The following PCNA variants were observed in gnomAD, a reference collection of about 807,000 sequenced individuals.
PCNA encodes the protein proliferating cell nuclear antigen.
A neutral mutation model predicts 27.8 loss-of-function variants in PCNA; 4 were observed. The observed-to-expected ratio is 0.14, with a 90% CI of 0.07 to 0.33. PCNA has a LOEUF of 0.33. Ranked by LOEUF, PCNA falls within the 10% of genes least tolerant of loss-of-function variation. The pLI is 1.00. For missense variants in PCNA, 165 were observed against 327.4 expected (o/e 0.50, Z 3.83); for synonymous variants, 121 against 119.4 (o/e 1.01, Z -0.09).
At chr20:5,117,423 T>G in intron 4 of PCNA, 47 bp downstream of exon 4, 1 of 1,333,926 alleles carries the variant, frequency 7.5e-7, no homozygotes, top group Non-Finnish European at 1.1e-6. Context: ...ATAAGCAGTA[T>G]TATAATTCTC....
At chr20:5,123,434 C>T (rs548459198), upstream of PCNA, among the ~76,000 whole-genome samples, 26 of 152,106 alleles carry the variant, frequency 1.7e-4, no homozygotes, top group Non-Finnish European at 3.1e-4. Context: ...GTGGCTCATG[C>T]CTGTAATCCC....
chr20:5,118,777 T>C lies in PCNA; in HGVS notation c.311A>G (p.Glu104Gly), dbSNP rs781573975. 3 of 1,612,964 alleles carry C rather than the reference T, an allele frequency of 1.9e-6. No homozygotes were observed. Among genetic ancestry groups the C allele is most frequent in the Non-Finnish European group, 1.7e-6 (2 of 1,178,862 alleles). ...DNADTLALVF[E>G]APNQEKVSDY... The stretch of plus-strand genomic sequence containing the variant: ...AAAAAGGTACGACTTACTTGGTGCT[T>C]CAAATACTAGCGCCAAGGTATCCGC... The change falls in exon 2 of 6, where the codon GAA becomes GGA. Residue 104 changes from glutamate to glycine, a missense_variant. Transcript: ENST00000379143.
chr20:5,126,380 G>A (rs1248173727), intron 1 of PCNA: 1 of 152,408 alleles, frequency 6.6e-6, no homozygotes, highest in East Asian at 1.9e-4. Flanking sequence ...GCGACCGCTT[G>A]GCAAAGCAAA....
rs887161589 is a variant in PCNA, at chr20:5,119,870, G to A, written c.-72C>T. 6 of 1,228,880 alleles carry A rather than the reference G, an allele frequency of 4.9e-6. No homozygotes were observed. In the East Asian group the frequency reaches 7.6e-5, roughly 16 times the overall value. The allele number at this position is 1,228,880 out of a possible 1,614,324, so 76.1% of individuals were successfully genotyped here. A position where few individuals can be genotyped will look rare whatever the true frequency, so the allele number is the denominator to read the frequency against. The stretch of plus-strand genomic sequence containing the variant: ...AAAGTCTAGCTGGTTTCGGCTTCAG[G>A]AGCCTCAGAGCGAGCGGGCGAACGT... On this transcript the variant is annotated 5_prime_UTR_variant, in exon 1 of 6. Coordinates refer to ENST00000379143, the MANE Select transcript of PCNA (RefSeq NM_182649.2).
upstream of PCNA, among the ~76,000 whole-genome samples, chr20:5,122,386 A>T (rs1054934951): frequency 1.3e-5 from 2 of 152,336 alleles, no homozygotes; most frequent in East Asian, 3.9e-4. Context: ...AGGCATTCCT[A>T]CTGTTTCTCC....
At chr20:5,120,208 C>T (rs771591355), upstream of PCNA, among the ~76,000 whole-genome samples, 6 of 152,238 alleles carry the variant, frequency 3.9e-5, no homozygotes, top group African/African-American at 1.2e-4. Flanking sequence ...GATCGGGTCC[C>T]GGTCCCGGCT....
At chr20:5,116,537 G>A (rs552453478) in intron 4 of PCNA, among the ~76,000 whole-genome samples, 235 of 152,292 alleles carry the variant, frequency 1.5e-3, no homozygotes, top group Non-Finnish European at 3.0e-3. Flanking sequence ...CTTATAATAT[G>A]CCACACACAG....
rs143328807 is a variant in PCNA at position 5,125,681 on chromosome 20, A to G, written c.-117+819T>C. Reference sequence around the variant, plus strand: ...ACACCAAAGGCAATGCTGGAGCAACACAAGTATTAATAAATGCAGGCAGGC... The same window carrying G: ...ACACCAAAGGCAATGCTGGAGCAACGCAAGTATTAATAAATGCAGGCAGGC... On this transcript the variant is annotated intron_variant, in intron 1 of 6. Coordinates refer to the PCNA transcript ENST00000379160. 3.2e-3 allele frequency among the ~76,000 whole-genome samples: 488 copies of G among 152,352 alleles called. 4 individuals carry two copies. The highest frequency in any genetic ancestry group is 0.011 in the African/African-American group (465 of 41,592).
intron 3 of PCNA, 28 bp from the exon 4 acceptor site, chr20:5,117,692 T>G: frequency 6.9e-7 from 1 of 1,443,352 alleles, no homozygotes; most frequent in Non-Finnish European, 9.4e-7. Context: ...TTTCCAAAAG[T>G]TAATTGTTAG....
intron 4 of PCNA, 136 bp from the exon 5 acceptor site, chr20:5,115,708 C>T (rs748569007): frequency 8.0e-6 from 5 of 628,612 alleles, no homozygotes; most frequent in East Asian, 2.9e-5. Context: ...AAGACTGATA[C>T]ATAAAGCAAA....
intron 4 of PCNA, among the ~76,000 whole-genome samples, chr20:5,116,607 C>A (rs752083554): frequency 5.7e-4 from 87 of 152,126 alleles, no homozygotes; most frequent in Non-Finnish European, 9.4e-4. Context: ...GAGGTTAGGA[C>A]CTTTGTCCTT....
chr20:5,119,824 T>A lies in PCNA; in HGVS notation c.-26A>T. 1 of 1,525,028 alleles carries A rather than the reference T, an allele frequency of 6.6e-7. No homozygotes were observed. The highest frequency in any genetic ancestry group is 8.9e-7 in the Non-Finnish European group (1 of 1,123,662). 94.5% of individuals were successfully genotyped at this position (1,525,028 alleles called of 1,614,324 possible). On this transcript the variant is annotated 5_prime_UTR_variant, in exon 1 of 6. Coordinates refer to ENST00000379143, the MANE Select transcript of PCNA (RefSeq NM_182649.2). The stretch of plus-strand genomic sequence containing the variant: ...GGTGGCGGAGTGGCAACAACGCCGC[T>A]ACAGGCAGGCGGGAAGGAGGAAAGT...
Position 5,119,957 on chromosome 20 carries a change from A to C in PCNA, c.-159T>G, listed in dbSNP as rs377182993. ...ACTCTGCTACGCCTGCAACCGTTTA[A>C]TGCCGCCGCGTCCGCAAGCGCGCGC... On this transcript the variant is annotated 5_prime_UTR_variant, in exon 1 of 6. Transcript: ENST00000379143. The C allele has an allele frequency of 1.6e-5, 10 of 625,766 alleles. No individual in the cohort carries two copies. The highest frequency in any genetic ancestry group is 1.3e-4 in the African/African-American group (7 of 54,420). The allele number at this position is 625,766 out of a possible 1,614,324, so 38.8% of individuals were successfully genotyped here.
chr20:5,122,774 A>C (rs1398057696), upstream of PCNA, among the ~76,000 whole-genome samples: 1 of 152,264 alleles, frequency 6.6e-6, no homozygotes, highest in African/African-American at 2.4e-5. Flanking sequence ...CTGTCTGCTT[A>C]CATAATAACA....
chr20:5,122,351 GA>G (rs2090523741), upstream of PCNA, among the ~76,000 whole-genome samples: 1 of 152,186 alleles, frequency 6.6e-6, no homozygotes, highest in Non-Finnish European at 1.5e-5. Flanking sequence ...GTGCAAACAT[GA>G]AAAAATTTAA....
At chr20:5,119,995 CCGCGTTGCGA>C, upstream of PCNA, 7 of 590,756 alleles carry the variant, frequency 1.2e-5, no homozygotes, top group South Asian at 3.9e-5. Flanking sequence ...TCACCCTGCG[CCGCGTTGCGA>C]CGTCACCACG....
Position 5,119,854 on chromosome 20 carries a change from C to T in PCNA, c.-56G>A. ...GCAGGCGGGAAGGAGGAAAGTCTAG[C>T]TGGTTTCGGCTTCAGGAGCCTCAGA... On this transcript the variant is annotated 5_prime_UTR_variant, in exon 1 of 6. Transcript: ENST00000379143. The T allele has an allele frequency of 2.1e-6, 3 of 1,409,326 alleles. No individual in the cohort carries two copies. The highest frequency in any genetic ancestry group is 2.9e-6 in the Non-Finnish European group (3 of 1,022,740). 87.3% of individuals were successfully genotyped at this position (1,409,326 alleles called of 1,614,324 possible). A position where few individuals can be genotyped will look rare whatever the true frequency, so the allele number is the denominator to read the frequency against.
chr20:5,118,662 G>C lies in PCNA; in HGVS notation c.335C>G (p.Ser112Ter). 6.2e-7 allele frequency: 1 copy of C among 1,613,624 alleles called. No homozygotes were observed. The highest frequency in any genetic ancestry group is 8.5e-7 in the Non-Finnish European group (1 of 1,179,526). The change falls in exon 3 of 6, where the codon TCA becomes TGA. Residue 112 changes from serine (S) to a stop codon, truncating the protein, a stop_gained. Coordinates refer to ENST00000379143, the MANE Select transcript of PCNA (RefSeq NM_182649.2). LOFTEE classifies it high-confidence loss of function. ...VFEAPNQEKV[S>*]DYEMKLMDLD... Reference sequence around the variant, plus strand: ...ATCCATCAACTTCATTTCATAGTCTGAAACTTTCTCCTGGTCTACCAAAAG... The same window carrying C: ...ATCCATCAACTTCATTTCATAGTCTCAAACTTTCTCCTGGTCTACCAAAAG...
intron 1 of PCNA, among the ~76,000 whole-genome samples, chr20:5,119,091 C>A (rs1308666150): frequency 2.0e-5 from 3 of 152,030 alleles, no homozygotes; most frequent in East Asian, 1.9e-4. Flanking sequence ...TGGATAGAAA[C>A]AATCTCCTGC....
Sources: allele counts gnomAD v4.1 joint callset (sites outside exome capture counted in the v4.1 genomes callset), GRCh38; gene constraint gnomAD v4.1.1; transcripts MANE v1.5; gene names NCBI Gene and HGNC (gene_info 2026-07-23, HGNC 2026-07-21).